Variants in VWC2 observed in about 807,000 individuals in gnomAD.
VWC2 encodes the protein brorin.
A neutral mutation model predicts 29.8 loss-of-function variants in VWC2; 14 were observed. That is an observed-to-expected ratio of 0.47 (90% CI 0.31 to 0.74). The LOEUF is 0.74. VWC2 is among the 30% of genes least tolerant of loss of function. The pLI is 0.05. For missense variants in VWC2, 457 were observed against 459.8 expected (o/e 0.99, Z 0.05); for synonymous variants, 213 against 199.0 (o/e 1.07, Z -0.59).
chr7:49,853,924 T>C (rs1452469503), intron 3 of VWC2, among the ~76,000 whole-genome samples: 1 of 147,226 alleles, frequency 6.8e-6, no homozygotes, highest in Non-Finnish European at 1.5e-5. Context: ...TCCAAATGTT[T>C]TCATTGTTCA....
intron 3 of VWC2, among the ~76,000 whole-genome samples, chr7:49,849,625 G>C (rs556169107): frequency 6.6e-6 from 1 of 152,386 alleles, no homozygotes; most frequent in African/African-American, 2.4e-5. Flanking sequence ...CTCAGTGTGA[G>C]AACATGCACC....
chr7:49,871,927 A>G (rs938139175), intron 3 of VWC2, among the ~76,000 whole-genome samples: 3 of 124,620 alleles, frequency 2.4e-5, no homozygotes, highest in Non-Finnish European at 5.1e-5. Flanking sequence ...ACACACACAC[A>G]CACACACACA....
At chr7:49,792,276 A>G (rs1210331176) in intron 2 of VWC2, among the ~76,000 whole-genome samples, 1 of 152,226 alleles carries the variant, frequency 6.6e-6, no homozygotes, top group Non-Finnish European at 1.5e-5. Flanking sequence ...CACTTTGCCA[A>G]CAGCAATTTA....
At chr7:49,855,080 A>G (rs1177438244) in intron 3 of VWC2, among the ~76,000 whole-genome samples, 2 of 152,058 alleles carry the variant, frequency 1.3e-5, no homozygotes, top group African/African-American at 4.8e-5. Flanking sequence ...AAAAATAAAT[A>G]TTTTCCTTGG....
intron 3 of VWC2, among the ~76,000 whole-genome samples, chr7:49,904,487 G>T (rs1242862815): frequency 6.6e-6 from 1 of 152,174 alleles, no homozygotes; most frequent in Non-Finnish European, 1.5e-5. Flanking sequence ...TGTTTAGAGG[G>T]ACTTGGTTGA....
chr7:49,865,612 T>C (rs755363734), intron 3 of VWC2, among the ~76,000 whole-genome samples: 1 of 152,200 alleles, frequency 6.6e-6, no homozygotes, highest in African/African-American at 2.4e-5. Flanking sequence ...AACTCCAATA[T>C]GCAAGTATTT....
intron 2 of VWC2, among the ~76,000 whole-genome samples, chr7:49,785,444 G>T (rs913668171): frequency 1.4e-4 from 22 of 152,278 alleles, no homozygotes; most frequent in African/African-American, 5.3e-4. Flanking sequence ...TTCTGAGATT[G>T]TAGAGTATGG....
At chr7:49,780,684 A>G (rs1788154081) in intron 2 of VWC2, among the ~76,000 whole-genome samples, 1 of 152,204 alleles carries the variant, frequency 6.6e-6, no homozygotes, top group South Asian at 2.1e-4. Flanking sequence ...TCTGATTGGC[A>G]ATTGTATAAG....
chr7:49,789,433 A>G (rs1788414496), intron 2 of VWC2, among the ~76,000 whole-genome samples: 1 of 151,844 alleles, frequency 6.6e-6, no homozygotes, highest in East Asian at 1.9e-4. Context: ...CCCATTGGCC[A>G]CAGTCCCCAC....
At chr7:49,852,301 A>G (rs988108202) in intron 3 of VWC2, among the ~76,000 whole-genome samples, 1 of 152,186 alleles carries the variant, frequency 6.6e-6, no homozygotes, top group Non-Finnish European at 1.5e-5. Flanking sequence ...GTGCTCTTCA[A>G]GGACCAAGGA....
At chr7:49,858,946 C>T (rs945711727) in intron 3 of VWC2, among the ~76,000 whole-genome samples, 11 of 152,074 alleles carry the variant, frequency 7.2e-5, no homozygotes, top group African/African-American at 2.4e-4. Flanking sequence ...ATTTCATGGC[C>T]CCACAGAGTT....
chr7:49,885,429 A>G (rs992454802), intron 3 of VWC2, among the ~76,000 whole-genome samples: 1 of 152,164 alleles, frequency 6.6e-6, no homozygotes, highest in African/African-American at 2.4e-5. Flanking sequence ...ACAAGAAAAT[A>G]TGGGAAAATT....
intron 3 of VWC2, among the ~76,000 whole-genome samples, chr7:49,849,261 T>C (rs1468794969): frequency 6.6e-6 from 1 of 152,336 alleles, no homozygotes; most frequent in South Asian, 2.1e-4. Context: ...ATGAATGAAT[T>C]TCCCCGAGGA....
In VWC2 at chr7:49,920,530, T is replaced by G. The variant is rs1793971128; in HGVS notation, c.*8345T>G. 1.3e-5 allele frequency: 2 copies of G among 152,192 alleles called. No homozygotes were observed. Among genetic ancestry groups the G allele is most frequent in the African/African-American group, 4.8e-5 (2 of 41,456 alleles). 9.4% of individuals were successfully genotyped at this position (152,192 alleles called of 1,614,324 possible). A position where few individuals can be genotyped will look rare whatever the true frequency, so the allele number is the denominator to read the frequency against. On this transcript the variant is annotated 3_prime_UTR_variant, in exon 4 of 4. Coordinates refer to ENST00000340652, the MANE Select transcript of VWC2 (RefSeq NM_198570.5). ...CAAGAAATTCCTTTTAAGTCAGACT[T>G]AAGTCCACGGAAAGCTGGACCTAAG...
At chr7:49,903,861 ACTT>A (rs1007926898) in intron 3 of VWC2, among the ~76,000 whole-genome samples, 9 of 152,168 alleles carry the variant, frequency 5.9e-5, no homozygotes, top group Non-Finnish European at 1.3e-4. Context: ...GAGAGAAGGG[ACTT>A]CCAAGAGGAA....
At chr7:49,817,399 G>C (rs1789173032) in intron 3 of VWC2, among the ~76,000 whole-genome samples, 1 of 152,154 alleles carries the variant, frequency 6.6e-6, no homozygotes, top group Non-Finnish European at 1.5e-5. Context: ...CACTTACATG[G>C]AACACATTCT....
chr7:49,860,578 C>G (rs1186450503), intron 3 of VWC2, among the ~76,000 whole-genome samples: 2 of 152,244 alleles, frequency 1.3e-5, no homozygotes, highest in Non-Finnish European at 2.9e-5. Context: ...ATACAAGTAT[C>G]TGTTTCAGCC....
intron 3 of VWC2, among the ~76,000 whole-genome samples, chr7:49,828,110 T>C (rs1253109942): frequency 6.6e-6 from 1 of 152,204 alleles, no homozygotes; most frequent in African/African-American, 2.4e-5. Context: ...ATCATGTAAG[T>C]AGAATCTTAC....
intron 3 of VWC2, among the ~76,000 whole-genome samples, chr7:49,804,002 CATCCAGTCCTCCA>C (rs1167860159): frequency 1.3e-5 from 2 of 152,050 alleles, no homozygotes; most frequent in African/African-American, 4.8e-5. Flanking sequence ...TAGCATAGTA[CATCCAGTCCTCCA>C]AAGGCAAGTG....
Sources: allele counts gnomAD v4.1 joint callset (sites outside exome capture counted in the v4.1 genomes callset), GRCh38; gene constraint gnomAD v4.1.1; transcripts MANE v1.5; gene names NCBI Gene and HGNC (gene_info 2026-07-23, HGNC 2026-07-21).